Variants in MFSD6 observed in about 807,000 individuals in gnomAD.
The protein encoded by MFSD6 is major facilitator superfamily domain containing 6, also known as major facilitator superfamily domain-containing protein 6.
MFSD6 carries 26 observed loss-of-function variants against 56.3 expected under a neutral mutation model. The observed-to-expected ratio is 0.46, with a 90% CI of 0.34 to 0.64. MFSD6 has a LOEUF of 0.64. Ranked by LOEUF, MFSD6 falls within the 30% of genes least tolerant of loss-of-function variation. MFSD6 has a pLI of 0.01. For synonymous variants in MFSD6, 331 were observed against 366.9 expected, an observed-to-expected ratio of 0.90 and a Z score of 1.12; for missense variants, 750 against 986.2, an observed-to-expected ratio of 0.76 and a Z score of 3.21.
rs180765016 is a variant in MFSD6, at chr2:190,431,087, C to T, written c.-53-4890C>T. 0.12 allele frequency among the ~76,000 whole-genome samples: 17,523 copies of T among 142,930 alleles called. 1,344 individuals carry two copies. Among genetic ancestry groups the T allele is most frequent in the East Asian group, 0.29 (1,365 of 4,636 alleles). 93.8% of individuals were successfully genotyped at this position (142,930 alleles called of 152,430 possible). On this transcript the variant is annotated intron_variant, in intron 2 of 7. Coordinates refer to ENST00000392328, the MANE Select transcript of MFSD6 (RefSeq NM_017694.4). This position sits in a 1 kb window ranked among gnomAD's most constrained non-coding sequence, Gnocchi z 4.4. Reference sequence around the variant, plus strand: ...AGACGGGGTCGCAGCCGGGCAGAGGCGCTCCTCACATCCCAGACAGGGCGG... The same window carrying T: ...AGACGGGGTCGCAGCCGGGCAGAGGTGCTCCTCACATCCCAGACAGGGCGG...
At position 190,484,436 on chromosome 2, in the gene MFSD6, A is replaced by G. The variant is rs13421959; in HGVS notation, c.1631-4221A>G. Among the ~76,000 whole-genome samples the G allele has an allele frequency of 6.1e-3, 923 of 152,312 alleles. 9 individuals carry two copies. Among genetic ancestry groups the G allele is most frequent in the African/African-American group, 0.021 (873 of 41,566 alleles). On this transcript the variant is annotated intron_variant, in intron 4 of 7. Transcript: ENST00000392328. ...AAGCATTTTCTTTTTCTAGTTTATAATATCTTTTGTCCCCTCTACTTTACA... is the reference window on the plus strand; with the variant it reads ...AAGCATTTTCTTTTTCTAGTTTATAGTATCTTTTGTCCCCTCTACTTTACA...
chr2:190,482,951 G>A (rs1688779036), intron 4 of MFSD6, among the ~76,000 whole-genome samples: 1 of 131,928 alleles, frequency 7.6e-6, no homozygotes. Context: ...GACTGCAGTG[G>A]CGCAATCTCG....
intron 3 of MFSD6, among the ~76,000 whole-genome samples, chr2:190,466,495 T>C (rs1185278942): frequency 6.6e-6 from 1 of 152,236 alleles, no homozygotes; most frequent in Non-Finnish European, 1.5e-5. Context: ...ATGCGAATGC[T>C]CTTGTCTTTT....
Position 190,490,542 on chromosome 2 carries a change from G to A in MFSD6, c.1891+676G>A, listed in dbSNP as rs1404095653. Among the ~76,000 whole-genome samples the A allele has an allele frequency of 2.0e-5, 3 of 151,190 alleles. No individual in the cohort carries two copies. Among genetic ancestry groups the A allele is most frequent in the Admixed American group, 1.3e-4 (2 of 15,146 alleles). On this transcript the variant is annotated intron_variant, in intron 6 of 7. Coordinates refer to ENST00000392328, the MANE Select transcript of MFSD6 (RefSeq NM_017694.4). The surrounding 1 kb of genome is among the most constrained non-coding windows in gnomAD (Gnocchi z 4.5). Reference sequence around the variant, plus strand: ...AGCACCACTGCAGTCCAGCCTGGGGGAACGAGCAAGACTCCCTCTCAAAAA... The same window carrying A: ...AGCACCACTGCAGTCCAGCCTGGGGAAACGAGCAAGACTCCCTCTCAAAAA...
intron 3 of MFSD6, among the ~76,000 whole-genome samples, chr2:190,444,216 A>G (rs140149506): frequency 2.6e-5 from 4 of 152,328 alleles, no homozygotes; most frequent in Middle Eastern, 3.4e-3. Flanking sequence ...TTTTCTTAGC[A>G]CTGGTGAAAT....
intron 2 of MFSD6, among the ~76,000 whole-genome samples, chr2:190,428,875 A>G (rs10931452): frequency 0.45 from 68,885 of 151,696 alleles, 16,062 homozygotes; most frequent in Admixed American, 0.6. Flanking sequence ...GTTTTGCCAC[A>G]TTGGCCAGGC....
At position 190,461,675 on chromosome 2, in the gene MFSD6, A is replaced by G. The variant is rs753637887; in HGVS notation, c.1533-8083A>G. On this transcript the variant is annotated intron_variant, in intron 3 of 7. Transcript: ENST00000392328. This position sits in a 1 kb window ranked among gnomAD's most constrained non-coding sequence, Gnocchi z 5.5. ...GAAGGCAGAAGGGCAAAAGGGGGAAACAGCTCCCTCACACCTCTTTTACCC... is the reference window on the plus strand; with the variant it reads ...GAAGGCAGAAGGGCAAAAGGGGGAAGCAGCTCCCTCACACCTCTTTTACCC... Among the ~76,000 whole-genome samples the G allele has an allele frequency of 6.6e-6, 1 of 152,072 alleles. No homozygotes were observed. The highest frequency in any genetic ancestry group is 1.5e-5 in the Non-Finnish European group (1 of 68,016).
intron 3 of MFSD6, among the ~76,000 whole-genome samples, chr2:190,464,078 T>C (rs1687472092): frequency 6.6e-6 from 1 of 152,156 alleles, no homozygotes; most frequent in Admixed American, 6.5e-5. Context: ...TTTTTGAATC[T>C]TGGTTTGTTG....
chr2:190,415,009 A>C lies in MFSD6; in HGVS notation c.-175-283A>C, dbSNP rs1690718004. Among the ~76,000 whole-genome samples, 2 of 152,142 alleles carry C rather than the reference A, an allele frequency of 1.3e-5. No homozygotes were observed. Among genetic ancestry groups the C allele is most frequent in the Middle Eastern group, 3.4e-3 (1 of 294 alleles). ...TCCCATGATATGGATATAAGATTTT[A>C]TTTTTCTCTATAGCTTATTTACCTA... On this transcript the variant is annotated intron_variant, in intron 1 of 7. Coordinates refer to ENST00000392328, the MANE Select transcript of MFSD6 (RefSeq NM_017694.4). The surrounding 1 kb of genome is among the most constrained non-coding windows in gnomAD (Gnocchi z 4.5).
rs932456321 is a variant in MFSD6, at chr2:190,492,572, T to C, written c.1891+2706T>C. On this transcript the variant is annotated intron_variant, in intron 6 of 7. Coordinates refer to ENST00000392328, the MANE Select transcript of MFSD6 (RefSeq NM_017694.4). This position sits in a 1 kb window ranked among gnomAD's most constrained non-coding sequence, Gnocchi z 5.2. ...ATCATTGGGTCAACAGCAAAATCAA[T>C]ATGGAAATTTAAAATTGAACTGAAC... Among the ~76,000 whole-genome samples the C allele has an allele frequency of 6.6e-6, 1 of 151,986 alleles. No homozygotes were observed. Among genetic ancestry groups the C allele is most frequent in the East Asian group, 1.9e-4 (1 of 5,194 alleles).
chr2:190,414,853 G>A (rs574603767), intron 1 of MFSD6, among the ~76,000 whole-genome samples: 5 of 151,810 alleles, frequency 3.3e-5, no homozygotes, highest in Admixed American at 6.6e-5. Flanking sequence ...CATTTTTATC[G>A]AGTCTTTTTC....
At position 190,487,993 on chromosome 2, in the gene MFSD6, C is replaced by T. The variant is rs1039021470; in HGVS notation, c.1631-664C>T. 5.3e-5 allele frequency among the ~76,000 whole-genome samples: 8 copies of T among 152,108 alleles called. No individual in the cohort carries two copies. The South Asian group carries it at 1.2e-3, about 24-fold the overall frequency. ...TCTTGGCTCACTGCAACCTCTGCCTCCTGGGTTCAAACGATTCCACTGCCT... is the reference window on the plus strand; with the variant it reads ...TCTTGGCTCACTGCAACCTCTGCCTTCTGGGTTCAAACGATTCCACTGCCT... On this transcript the variant is annotated intron_variant, in intron 4 of 7. Coordinates refer to ENST00000392328, the MANE Select transcript of MFSD6 (RefSeq NM_017694.4). This position sits in a 1 kb window ranked among gnomAD's most constrained non-coding sequence, Gnocchi z 5.5.
In MFSD6 at chr2:190,461,538, GT is replaced by G. The variant is rs1687329372; in HGVS notation, c.1533-8218del. On this transcript the variant is annotated intron_variant, in intron 3 of 7. Coordinates refer to ENST00000392328, the MANE Select transcript of MFSD6 (RefSeq NM_017694.4). The surrounding 1 kb of genome is among the most constrained non-coding windows in gnomAD (Gnocchi z 5.5). ...TTTACCTTGCTTTAAATGCCAAACA[GT>G]TCTGGAGGCTGGGAAGTGCAAGATC... 1.3e-5 allele frequency among the ~76,000 whole-genome samples: 2 copies of G among 152,146 alleles called. No homozygotes were observed. The highest frequency in any genetic ancestry group is 1.3e-4 in the Admixed American group (2 of 15,282).
In MFSD6 at chr2:190,454,986, A is replaced by C. The variant is rs531113668; in HGVS notation, c.1533-14772A>C. Among the ~76,000 whole-genome samples, 1 of 86,778 alleles carries C rather than the reference A, an allele frequency of 1.2e-5. No homozygotes were observed. The highest frequency in any genetic ancestry group is 2.9e-4 in the East Asian group (1 of 3,462). The allele number at this position is 86,778 out of a possible 152,430, so 56.9% of individuals were successfully genotyped here. A position where few individuals can be genotyped will look rare whatever the true frequency, so the allele number is the denominator to read the frequency against. ...TATATGTATATGTATATGTATATGTATATGTATATGTATAATGTATATGTA... is the reference window on the plus strand; with the variant it reads ...TATATGTATATGTATATGTATATGTCTATGTATATGTATAATGTATATGTA... On this transcript the variant is annotated intron_variant, in intron 3 of 7. Transcript: ENST00000392328. This position sits in a 1 kb window ranked among gnomAD's most constrained non-coding sequence, Gnocchi z 4.6.
At chr2:190,482,868 CTTTTTTTTTTTT>C (rs199927176) in intron 4 of MFSD6, among the ~76,000 whole-genome samples, 101 of 48,274 alleles carry the variant, frequency 2.1e-3, no homozygotes, top group East Asian at 4.2e-3. Context: ...AGACTATCAT[CTTTTTTTTTTTT>C]TTTTTTTTTT....
At position 190,502,186 on chromosome 2, in the gene MFSD6, C is replaced by CGATA. The variant is rs1690055165; in HGVS notation, c.*1969_*1972dup. On this transcript the variant is annotated 3_prime_UTR_variant, in exon 8 of 8. Transcript: ENST00000392328. This position sits in a 1 kb window ranked among gnomAD's most constrained non-coding sequence, Gnocchi z 4.4. The stretch of plus-strand genomic sequence containing the variant: ...GGAACATTTACTGTGACAGCAGAAT[C>CGATA]GATAATGCAGTCATTTCCAGCCTTG... The CGATA allele has an allele frequency of 6.6e-6, 1 of 152,190 alleles. No individual in the cohort carries two copies. The highest frequency in any genetic ancestry group is 2.1e-4 in the South Asian group (1 of 4,832). 9.4% of individuals were successfully genotyped at this position (152,190 alleles called of 1,614,324 possible).
chr2:190,497,696 G>C lies in MFSD6; in HGVS notation c.2149G>C (p.Ala717Pro), dbSNP rs767771342. Residue 717 changes from alanine to proline, a missense_variant, in exon 7 of 8, where the codon GCT becomes CCT. This residue lies in a region of MFSD6 where 172 missense variants were observed against 203.9 expected (regional missense o/e 0.84). Transcript: ENST00000392328. The surrounding 1 kb of genome is among the most constrained non-coding windows in gnomAD (Gnocchi z 5.2). ...GATGCAACTCACAAGAGACAACCGT[G>C]CTTCTGAGATACAGCCTTTACAGGT... The part of the protein sequence containing the change: ...EMMQLTRDNR[A>P]SEIQPLQGTN... 6 of 1,613,970 alleles carry C rather than the reference G, an allele frequency of 3.7e-6. No homozygotes were observed. The highest frequency in any genetic ancestry group is 5.1e-6 in the Non-Finnish European group (6 of 1,179,862).
Position 190,491,091 on chromosome 2 carries a change from T to C in MFSD6, c.1891+1225T>C, listed in dbSNP as rs1689321140. Among the ~76,000 whole-genome samples, 1 of 152,232 alleles carries C rather than the reference T, an allele frequency of 6.6e-6. No homozygotes were observed. The highest frequency in any genetic ancestry group is 1.9e-4 in the East Asian group (1 of 5,204). ...AAAAATGTATGGACTTGAATATCTT[T>C]GCTATTAATCACAAAAAAATTTAAA... is the stretch of plus-strand genomic sequence containing the variant. On this transcript the variant is annotated intron_variant, in intron 6 of 7. Transcript: ENST00000392328. This position sits in a 1 kb window ranked among gnomAD's most constrained non-coding sequence, Gnocchi z 4.2.
chr2:190,474,393 G>A (rs985937335), intron 4 of MFSD6, among the ~76,000 whole-genome samples: 58 of 152,190 alleles, frequency 3.8e-4, no homozygotes, highest in African/African-American at 1.2e-3. Context: ...TATCACCACC[G>A]ATCCCACAGA....
Sources: allele counts gnomAD v4.1 joint callset (sites outside exome capture counted in the v4.1 genomes callset), GRCh38; gene constraint gnomAD v4.1.1; regional missense constraint gnomAD v4.1.1; non-coding constraint Gnocchi (gnomAD v3.1); transcripts MANE v1.5; gene names NCBI Gene and HGNC (gene_info 2026-07-23, HGNC 2026-07-21).